PAK1: variants seen among roughly 807,000 people sequenced by gnomAD.
PAK1 encodes p21 (RAC1) activated kinase 1.
In PAK1, 29 loss-of-function variants were observed where a neutral mutation model predicts 67.4. The ratio of observed to expected loss-of-function variants is 0.43; its 90% CI spans 0.32 to 0.59. PAK1 has a LOEUF of 0.59. PAK1 is among the 20% of genes least tolerant of loss of function. PAK1 has a pLI of 0.07. For synonymous variants in PAK1, 223 were observed against 237.4 expected, an observed-to-expected ratio of 0.94 and a Z score of 0.56; for missense variants, 337 against 670.7, an observed-to-expected ratio of 0.50 and a Z score of 5.50.
rs1592459817 is a variant in PAK1, at chr11:77,434,558, C to A, written c.-22+38994G>T. 2.6e-5 allele frequency among the ~76,000 whole-genome samples: 4 copies of A among 152,122 alleles called. No individual in the cohort carries two copies. The South Asian group carries it at 8.3e-4, about 32-fold the overall frequency. On this transcript the variant is annotated intron_variant, in intron 1 of 14. Coordinates refer to ENST00000356341, the MANE Select transcript of PAK1 (RefSeq NM_002576.5). ...AACCTCCTGGGCTCAAGCGATCTTC[C>A]CACCTCAGCCTCCCAAGTAGCTGAA...
intron 9 of PAK1, 89 bp from the exon 10 acceptor site, chr11:77,344,020 A>G (rs1944032618): frequency 2.4e-6 from 2 of 828,738 alleles, no homozygotes; most frequent in Admixed American, 1.8e-5. Flanking sequence ...TACTCAGGAA[A>G]CAAAGATGAG....
chr11:77,437,136 C>T (rs1484951743), intron 1 of PAK1, among the ~76,000 whole-genome samples: 1 of 152,182 alleles, frequency 6.6e-6, no homozygotes, highest in Non-Finnish European at 1.5e-5. Flanking sequence ...GTGCCCTCAA[C>T]ATTCAGTAGC....
Position 77,392,554 on chromosome 11 carries a change from A to G in PAK1, c.-21-13T>C. The G allele has an allele frequency of 6.5e-7, 1 of 1,545,850 alleles. No homozygotes were observed. The highest frequency in any genetic ancestry group is 8.8e-7 in the Non-Finnish European group (1 of 1,137,610). On this transcript the variant is annotated splice_polypyrimidine_tract_variant and intron_variant, in intron 1 of 14. Transcript: ENST00000356341. ...CCAGCAGCAGCTACTAGAATCAGAA[A>G]TAAGAACAATATAACTCTTTTATTA...
At chr11:77,498,493 C>CAA in the PAK1 span, among the ~76,000 whole-genome samples, 4 of 148,760 alleles carry the variant, frequency 2.7e-5, no homozygotes, top group Non-Finnish European at 5.9e-5. Context: ...CACACACACA[C>CAA]ACACATGGTG....
chr11:77,343,993 AAGT>A, intron 9 of PAK1, 62 bp from the exon 10 acceptor site: 1 of 1,048,736 alleles, frequency 9.5e-7, no homozygotes. Context: ...AGCACCTGCT[AAGT>A]ACCAGACCTT....
intron 9 of PAK1, among the ~76,000 whole-genome samples, chr11:77,348,833 A>G (rs887080867): frequency 1.3e-5 from 2 of 152,108 alleles, no homozygotes; most frequent in African/African-American, 2.4e-5. Context: ...AAGAAACTAG[A>G]TATGTTCCAG....
In PAK1 at chr11:77,343,839, G is replaced by A. The variant is rs116599204; in HGVS notation, c.978C>T (p.Asn326=). ...ILVMRENKNP[N]IVNYLDSYLV... ...CATACCTGTCCAAGTAATTCACAATGTTTGGGTTCTTGTTTTCCCTCATGA... is the reference window on the plus strand; with the variant it reads ...CATACCTGTCCAAGTAATTCACAATATTTGGGTTCTTGTTTTCCCTCATGA... Residue 326 remains asparagine (N), a synonymous_variant, in exon 10 of 15, where the codon AAC becomes AAT. Coordinates refer to ENST00000356341, the MANE Select transcript of PAK1 (RefSeq NM_002576.5). 2.9e-5 allele frequency: 47 copies of A among 1,606,940 alleles called. No homozygotes were observed. The East Asian group carries it at 3.8e-4, about 13-fold the overall frequency.
the PAK1 span, chr11:77,529,895 G>A: frequency 6.6e-6 from 1 of 152,446 alleles, no homozygotes; most frequent in Non-Finnish European, 1.5e-5. Context: ...CAGTGACAGG[G>A]ATAGGCCATG....
At chr11:77,353,622 G>A (rs752450950) in intron 7 of PAK1, 23 bp from the exon 8 acceptor site, 2 of 1,577,252 alleles carry the variant, frequency 1.3e-6, no homozygotes, top group Non-Finnish European at 1.7e-6. Flanking sequence ...CAGAGACCAT[G>A]AATCATTTTT....
intron 1 of PAK1, among the ~76,000 whole-genome samples, chr11:77,405,668 C>G (rs113858206): frequency 1.6e-5 from 2 of 125,496 alleles, no homozygotes; most frequent in African/African-American, 6.8e-5. Flanking sequence ...GACAGACAGA[C>G]AGACAGACAC....
At chr11:77,399,233 C>T (rs991599795) in intron 1 of PAK1, among the ~76,000 whole-genome samples, 1 of 152,180 alleles carries the variant, frequency 6.6e-6, no homozygotes, top group Non-Finnish European at 1.5e-5. Context: ...CTATCACCAT[C>T]TAGTTAGCAG....
At chr11:77,478,842 C>T (rs1304973088), upstream of PAK1, among the ~76,000 whole-genome samples, 1 of 150,012 alleles carries the variant, frequency 6.7e-6, no homozygotes, top group Non-Finnish European at 1.5e-5. Flanking sequence ...TTTGGGAGGC[C>T]GAGGTGGGCG....
At position 77,444,286 on chromosome 11, in the gene PAK1, TA is replaced by T. The variant is rs142183219; in HGVS notation, c.-22+29265del. Among the ~76,000 whole-genome samples the T allele has an allele frequency of 1.7e-3, 195 of 116,780 alleles. 2 individuals carry two copies. Among genetic ancestry groups the T allele is most frequent in the East Asian group, 2.8e-3 (10 of 3,574 alleles). 76.6% of individuals were successfully genotyped at this position (116,780 alleles called of 152,430 possible). A position where few individuals can be genotyped will look rare whatever the true frequency, so the allele number is the denominator to read the frequency against. ...CCAGGTACGTAAACCTGGAGAGCTC[TA>T]AAAAAAAAAAAAAAAAAACCCGACG... On this transcript the variant is annotated intron_variant, in intron 1 of 14. Coordinates refer to ENST00000356341, the MANE Select transcript of PAK1 (RefSeq NM_002576.5).
chr11:77,379,890 T>A lies in PAK1; in HGVS notation c.291+4A>T, dbSNP rs1295497896. The A allele has an allele frequency of 1.2e-6, 2 of 1,604,916 alleles. No individual in the cohort carries two copies. Among genetic ancestry groups the A allele is most frequent in the Non-Finnish European group, 1.7e-6 (2 of 1,171,936 alleles). ...TAAAGACCTTTCTGTGACCCAGGAC[T>A]TACCGTAAACTCCCCTGTGACAGCA... On this transcript the variant is annotated splice_donor_region_variant and intron_variant, in intron 3 of 14. Transcript: ENST00000356341.
chr11:77,382,983 T>G (rs1273993760), intron 2 of PAK1, among the ~76,000 whole-genome samples: 1 of 151,908 alleles, frequency 6.6e-6, no homozygotes, highest in Non-Finnish European at 1.5e-5. Flanking sequence ...GGTGACAGAG[T>G]GAGGCTGTGT....
At chr11:77,519,763 T>C in the PAK1 span, among the ~76,000 whole-genome samples, 2 of 152,244 alleles carry the variant, frequency 1.3e-5, no homozygotes, top group African/African-American at 4.8e-5. Context: ...GATAATACTG[T>C]TGCAGAATTT....
intron 1 of PAK1, among the ~76,000 whole-genome samples, chr11:77,419,347 T>C (rs1308076606): frequency 1.3e-5 from 2 of 152,182 alleles, no homozygotes; most frequent in Non-Finnish European, 2.9e-5. Flanking sequence ...ATTTAAATAG[T>C]CCTCTGGTTT....
intron 6 of PAK1, among the ~76,000 whole-genome samples, chr11:77,357,683 C>T (rs1264810924): frequency 6.6e-6 from 1 of 152,104 alleles, no homozygotes; most frequent in Non-Finnish European, 1.5e-5. Flanking sequence ...GATCAATTCA[C>T]CTCTCCAAAT....
At chr11:77,329,111 A>G (rs1940800542) in intron 14 of PAK1, 1 of 152,288 alleles carries the variant, frequency 6.6e-6, no homozygotes, top group Non-Finnish European at 1.5e-5. Flanking sequence ...GAATAGACCA[A>G]TAACAGGATC....
Sources: gnomAD v4.1 joint callset for allele counts (sites outside exome capture counted in the v4.1 genomes callset) on GRCh38, gnomAD v4.1.1 for gene constraint, MANE v1.5 for transcripts, NCBI Gene and HGNC (gene_info 2026-07-23, HGNC 2026-07-21) for gene names.